Variants in CTPS1 observed in about 807,000 individuals in gnomAD.
CTPS1 encodes CTP synthase 1, also known as CTP synthetase 1.
In CTPS1, 25 loss-of-function variants were observed where a neutral mutation model predicts 80.5. The ratio of observed to expected loss-of-function variants is 0.31; its 90% CI spans 0.23 to 0.43. The LOEUF is 0.43. CTPS1 is among the 20% of genes least tolerant of loss of function. CTPS1 has a pLI of 1.00. For synonymous variants in CTPS1, 267 were observed against 252.5 expected (o/e 1.06, Z -0.54); for missense variants, 442 against 725.7 (o/e 0.61, Z 4.49).
intron 1 of CTPS1, among the ~76,000 whole-genome samples, chr1:40,982,844 G>A (rs1642352342): frequency 6.6e-6 from 1 of 152,150 alleles, no homozygotes; most frequent in South Asian, 2.1e-4. Flanking sequence ...TTATTTCCTG[G>A]AGAACTGGAG....
chr1:41,008,755 G>A, intron 15 of CTPS1, 39 bp from the exon 16 acceptor site: 1 of 1,613,718 alleles, frequency 6.2e-7, no homozygotes, highest in Non-Finnish European at 8.5e-7. Flanking sequence ...AAGATAGTGA[G>A]CTGAGAGACC....
rs1643198737 is a variant in CTPS1, at chr1:41,012,495, G to T, written c.*847G>T. 6.6e-6 allele frequency: 1 copy of T among 152,168 alleles called. No individual in the cohort carries two copies. Among genetic ancestry groups the T allele is most frequent in the African/African-American group, 2.4e-5 (1 of 41,422 alleles). 9.4% of individuals were successfully genotyped at this position (152,168 alleles called of 1,614,324 possible). On this transcript the variant is annotated 3_prime_UTR_variant, in exon 19 of 19. Coordinates refer to ENST00000650070, the MANE Select transcript of CTPS1 (RefSeq NM_001905.4). ...GACCTAGCAATAGGCATAGCTACGT[G>T]GCACTATATTCTGGCCAGACTCGAT...
chr1:40,984,114 CAA>C (rs1260960282), intron 2 of CTPS1, among the ~76,000 whole-genome samples: 1 of 152,184 alleles, frequency 6.6e-6, no homozygotes, highest in African/African-American at 2.4e-5. Flanking sequence ...ATCCTCGTAA[CAA>C]ATGGCATCAG....
intron 11 of CTPS1, among the ~76,000 whole-genome samples, chr1:41,002,855 G>A (rs1020926241): frequency 1.3e-5 from 2 of 152,122 alleles, no homozygotes; most frequent in Non-Finnish European, 2.9e-5. Context: ...GGGGAAAAAA[G>A]TACTGAATAG....
At chr1:40,995,113 T>G (rs927020599) in intron 7 of CTPS1, among the ~76,000 whole-genome samples, 2 of 152,200 alleles carry the variant, frequency 1.3e-5, no homozygotes, top group Non-Finnish European at 2.9e-5. Context: ...CTCTGAATGA[T>G]TCCAATATGC....
intron 1 of CTPS1, chr1:40,982,052 GCTGACCAAATGGACGATC>G (rs1208634727): frequency 7.9e-7 from 1 of 1,261,090 alleles, no homozygotes; most frequent in African/African-American, 1.5e-5. Context: ...ATTTGGGTTT[GCTGACCAAATGGACGATC>G]CTGGACCTCT....
chr1:41,003,705 G>A (rs543301723), intron 12 of CTPS1, among the ~76,000 whole-genome samples: 1 of 152,324 alleles, frequency 6.6e-6, no homozygotes, highest in South Asian at 2.1e-4. Context: ...TGGAAAATAG[G>A]GAAATGCTCA....
At chr1:41,002,380 A>G (rs1203021805) in intron 11 of CTPS1, 126 bp downstream of exon 11, 2 of 732,922 alleles carry the variant, frequency 2.7e-6, no homozygotes, top group African/African-American at 3.5e-5. Flanking sequence ...TAGGAGCTCA[A>G]GTAGAAGCCT....
chr1:40,988,689 C>T lies in CTPS1; in HGVS notation c.534C>T (p.Ile178=). 6.2e-7 allele frequency: 1 copy of T among 1,613,010 alleles called. No individual in the cohort carries two copies. Among genetic ancestry groups the T allele is most frequent in the Non-Finnish European group, 8.5e-7 (1 of 1,179,014 alleles). The change falls in exon 5 of 19, where the codon ATC becomes ATT. Residue 178 remains isoleucine (I), a synonymous_variant. Coordinates refer to ENST00000650070, the MANE Select transcript of CTPS1 (RefSeq NM_001905.4). ...FKVKRENFCN[I]HVSLVPQPSS... Reference sequence around the variant, plus strand: ...TCAAAAGAGAGAACTTTTGTAACATCCACGTCAGTCTAGTTCCCCAGGTAA... The same window carrying T: ...TCAAAAGAGAGAACTTTTGTAACATTCACGTCAGTCTAGTTCCCCAGGTAA...
At position 40,988,640 on chromosome 1, in the gene CTPS1, C is replaced by T. The variant is rs111493048; in HGVS notation, c.485C>T (p.Ala162Val). Reference protein sequence around the residue: ...GDIESMPFIEAFRQFQFKVKR... With the variant: ...GDIESMPFIEVFRQFQFKVKR... ...ATAGAAAGCATGCCCTTTATTGAGG[C>T]CTTCCGTCAGTTCCAATTCAAGGTC... is the stretch of plus-strand genomic sequence containing the variant. Residue 162 changes from alanine to valine, a missense_variant, in exon 5 of 19, where the codon GCC (alanine) becomes GTC (valine). Transcript: ENST00000650070. The T allele has an allele frequency of 1.9e-6, 3 of 1,614,102 alleles. No homozygotes were observed. The highest frequency in any genetic ancestry group is 1.7e-6 in the Non-Finnish European group (2 of 1,179,998).
In CTPS1 at chr1:40,979,772, C is replaced by T. The variant is rs1450723646; in HGVS notation, c.-71C>T. 2.0e-5 allele frequency: 3 copies of T among 152,262 alleles called. No homozygotes were observed. Among genetic ancestry groups the T allele is most frequent in the Non-Finnish European group, 4.4e-5 (3 of 68,110 alleles). 9.4% of individuals were successfully genotyped at this position (152,262 alleles called of 1,614,324 possible). A position where few individuals can be genotyped will look rare whatever the true frequency, so the allele number is the denominator to read the frequency against. On this transcript the variant is annotated 5_prime_UTR_variant, in exon 1 of 19. Coordinates refer to ENST00000650070, the MANE Select transcript of CTPS1 (RefSeq NM_001905.4). ...GGTTGTTCACTGGCTGTCCGGGGCT[C>T]CGCGCGCGTCGCCGGCCCAGCTCTG...
rs142536098 is a variant in CTPS1, at chr1:40,985,644, T to A, written c.337+653T>A. ...TTTGGAGAGGTTGCTGAAAAGTGGC[T>A]TTAATCTGAGTTATGAGAGCAGATC... On this transcript the variant is annotated intron_variant, in intron 3 of 18. Transcript: ENST00000650070. Among the ~76,000 whole-genome samples the A allele has an allele frequency of 7.2e-5, 11 of 152,252 alleles. No individual in the cohort carries two copies. In the South Asian group the frequency reaches 2.3e-3, roughly 32 times the overall value.
At chr1:41,004,028 A>G (rs1642971599) in intron 12 of CTPS1, 2 of 152,374 alleles carry the variant, frequency 1.3e-5, no homozygotes, top group South Asian at 2.1e-4. Flanking sequence ...GCAGGCACTT[A>G]TCAGGCCTGC....
At chr1:40,998,586 T>C (rs1005751655) in intron 9 of CTPS1, among the ~76,000 whole-genome samples, 6 of 152,076 alleles carry the variant, frequency 3.9e-5, no homozygotes, top group African/African-American at 1.4e-4. Context: ...AAGAAGTTCA[T>C]GAATACAAAG....
chr1:40,990,682 G>A (rs924986984), intron 5 of CTPS1, among the ~76,000 whole-genome samples: 5 of 152,064 alleles, frequency 3.3e-5, no homozygotes, highest in African/African-American at 9.7e-5. Context: ...CATGTGTAAC[G>A]TGTATCTGTT....
chr1:40,996,045 G>A lies in CTPS1; in HGVS notation c.849G>A (p.Met283Ile). ...PIERQPRKML[M>I]KWKEMADRYD... ...AGAGGCAGCCAAGAAAAATGCTGATGAAATGGAAAGAGATGGCTGACAGGT... is the reference window on the plus strand; with the variant it reads ...AGAGGCAGCCAAGAAAAATGCTGATAAAATGGAAAGAGATGGCTGACAGGT... Residue 283 changes from methionine (M) to isoleucine (I), a missense_variant, in exon 8 of 19, where the codon ATG becomes ATA. Physicochemically the swap from Met to Ile is conservative, Grantham distance 10. This residue lies in a region of CTPS1 where 321 missense variants were observed against 467.2 expected (regional missense o/e 0.69). Transcript: ENST00000650070. 1.2e-6 allele frequency: 2 copies of A among 1,614,200 alleles called. No homozygotes were observed. Among genetic ancestry groups the A allele is most frequent in the Non-Finnish European group, 1.7e-6 (2 of 1,180,012 alleles).
At chr1:40,981,268 C>G (rs1339151442) in intron 1 of CTPS1, 2 of 152,196 alleles carry the variant, frequency 1.3e-5, no homozygotes, top group Non-Finnish European at 2.9e-5. Flanking sequence ...AATGAGCCTC[C>G]CGCCTGATCT....
chr1:41,008,094 C>G (rs768094892), intron 14 of CTPS1, among the ~76,000 whole-genome samples: 1 of 152,192 alleles, frequency 6.6e-6, no homozygotes, highest in Non-Finnish European at 1.5e-5. Context: ...AGCAGCATAG[C>G]TGGAGTCACT....
intron 7 of CTPS1, among the ~76,000 whole-genome samples, chr1:40,993,423 C>T (rs1045452459): frequency 6.6e-6 from 1 of 152,074 alleles, no homozygotes; most frequent in East Asian, 1.9e-4. Flanking sequence ...TGTCACAGCT[C>T]ACTGCAGCCT....
Sources: allele counts gnomAD v4.1 joint callset (sites outside exome capture counted in the v4.1 genomes callset), GRCh38; gene constraint gnomAD v4.1.1; regional missense constraint gnomAD v4.1.1; transcripts MANE v1.5; gene names NCBI Gene and HGNC (gene_info 2026-07-23, HGNC 2026-07-21).